The following RIC8B variants were observed in gnomAD, a reference collection of about 807,000 sequenced individuals.
The protein encoded by RIC8B is chaperone Ric-8B.
Under a neutral mutation model 57.5 loss-of-function variants are expected in RIC8B, and 16 were observed. The ratio of observed to expected loss-of-function variants is 0.28; its 90% CI spans 0.19 to 0.42. The LOEUF is 0.42. Among genes scored for constraint, RIC8B ranks in the 10% least tolerant of loss-of-function variants. RIC8B has a pLI of 1.00. For synonymous variants in RIC8B, 216 were observed against 250.8 expected (o/e 0.86, Z 1.31); for missense variants, 481 against 677.0 (o/e 0.71, Z 3.21).
intron 7 of RIC8B, among the ~76,000 whole-genome samples, chr12:106,858,468 A>G (rs1255968592): frequency 2.0e-5 from 3 of 152,258 alleles, no homozygotes; most frequent in South Asian, 2.1e-4. Context: ...CATGAATATT[A>G]AGAATACCTA....
chr12:106,832,320 C>T (rs2046385819), intron 4 of RIC8B, among the ~76,000 whole-genome samples: 1 of 152,160 alleles, frequency 6.6e-6, no homozygotes, highest in Non-Finnish European at 1.5e-5. Flanking sequence ...GTAATCCCAG[C>T]ATTTTGGGAG....
chr12:106,878,832 C>A lies in RIC8B; in HGVS notation c.1572-7072C>A, dbSNP rs189760249. ...GAAGCAATGCCTCATGTTCCCCCCC[C>A]CTTTTCTTCTTTTCTAATCATAGAA... is the stretch of plus-strand genomic sequence containing the variant. On this transcript the variant is annotated intron_variant, in intron 9 of 9. Coordinates refer to ENST00000392837, the MANE Select transcript of RIC8B (RefSeq NM_001330145.2). Among the ~76,000 whole-genome samples, 40 of 152,026 alleles carry A rather than the reference C, an allele frequency of 2.6e-4. No homozygotes were observed. The East Asian group carries it at 7.1e-3, about 27-fold the overall frequency.
At chr12:106,802,970 G>A (rs554896149) in intron 2 of RIC8B, among the ~76,000 whole-genome samples, 88 of 152,164 alleles carry the variant, frequency 5.8e-4, no homozygotes, top group Non-Finnish European at 5.9e-5. Flanking sequence ...AGCACTTTGG[G>A]AGGCAAAGGT....
chr12:106,873,102 C>T, intron 9 of RIC8B: 1 of 985,370 alleles, frequency 1.0e-6, no homozygotes, highest in Non-Finnish European at 1.2e-6. Flanking sequence ...ACCCCAGCTT[C>T]CACCTGATTT....
intron 2 of RIC8B, among the ~76,000 whole-genome samples, chr12:106,802,256 T>C (rs1335426070): frequency 6.6e-6 from 1 of 152,208 alleles, no homozygotes; most frequent in Non-Finnish European, 1.5e-5. Flanking sequence ...TTAAAGAATA[T>C]GTACCAAAAT....
At chr12:106,823,465 GGTT>G (rs1390488580) in intron 3 of RIC8B, 14 of 455,752 alleles carry the variant, frequency 3.1e-5, no homozygotes, top group Middle Eastern at 3.3e-4. Flanking sequence ...GTAGAATTTT[GGTT>G]TGCAGCTGCA....
chr12:106,832,501 A>G (rs2046396984), intron 4 of RIC8B, among the ~76,000 whole-genome samples: 2 of 151,430 alleles, frequency 1.3e-5, no homozygotes, highest in African/African-American at 2.4e-5. Flanking sequence ...TGGGGGGCTG[A>G]GATTGCAGTG....
intron 2 of RIC8B, among the ~76,000 whole-genome samples, chr12:106,787,947 G>A (rs775690601): frequency 4.6e-5 from 7 of 152,004 alleles, no homozygotes; most frequent in Non-Finnish European, 8.8e-5. Flanking sequence ...TCATTTCAGC[G>A]TTAACCCAAA....
intron 3 of RIC8B, among the ~76,000 whole-genome samples, chr12:106,820,253 A>C (rs2045778979): frequency 6.6e-6 from 1 of 152,238 alleles, no homozygotes; most frequent in Non-Finnish European, 1.5e-5. Context: ...TGTTCATTTT[A>C]GATTCATGCC....
At chr12:106,839,724 A>G (rs1306723292) in intron 4 of RIC8B, among the ~76,000 whole-genome samples, 2 of 152,198 alleles carry the variant, frequency 1.3e-5, no homozygotes, top group African/African-American at 4.8e-5. Context: ...CTTTTCAAAG[A>G]TTTTGAGGGG....
rs1212982845 is a variant in RIC8B, at chr12:106,879,134, G to A, written c.1572-6770G>A. 2.0e-6 allele frequency: 2 copies of A among 985,668 alleles called. No individual in the cohort carries two copies. Among genetic ancestry groups the A allele is most frequent in the African/African-American group, 3.5e-5 (2 of 57,210 alleles). 61.1% of individuals were successfully genotyped at this position (985,668 alleles called of 1,614,324 possible). ...AGCTGAAACTCGTATAGGTAAATTC[G>A]AAGGGACTCTTGGGAGATCTGCAAG... On this transcript the variant is annotated intron_variant, in intron 9 of 9. Transcript: ENST00000392837. This position sits in a 1 kb window ranked among gnomAD's most constrained non-coding sequence, Gnocchi z 4.9.
intron 7 of RIC8B, among the ~76,000 whole-genome samples, chr12:106,852,331 C>A (rs189775447): frequency 8.7e-4 from 133 of 152,214 alleles, no homozygotes; most frequent in South Asian, 2.3e-3. Context: ...GTATAAAATC[C>A]CATCTAAGCA....
chr12:106,853,666 A>G (rs1050206992), intron 7 of RIC8B, among the ~76,000 whole-genome samples: 1 of 151,068 alleles, frequency 6.6e-6, no homozygotes, highest in African/African-American at 2.4e-5. Flanking sequence ...ATGGGGTTTC[A>G]CCATATTGGC....
At chr12:106,852,844 T>C (rs556762127) in intron 7 of RIC8B, among the ~76,000 whole-genome samples, 2 of 152,376 alleles carry the variant, frequency 1.3e-5, no homozygotes, top group African/African-American at 4.8e-5. Flanking sequence ...ATTTAGCATC[T>C]TGGAATTAAG....
chr12:106,776,183 C>T (rs948714831), intron 1 of RIC8B, among the ~76,000 whole-genome samples: 5 of 152,138 alleles, frequency 3.3e-5, no homozygotes, highest in Non-Finnish European at 4.4e-5. Context: ...CTCTTTCTGC[C>T]GTACTGTGTT....
At chr12:106,845,118 A>C (rs1949127150) in intron 6 of RIC8B, among the ~76,000 whole-genome samples, 1 of 152,110 alleles carries the variant, frequency 6.6e-6, no homozygotes, top group East Asian at 1.9e-4. Flanking sequence ...ATACATCTCT[A>C]ACTAGCACCT....
intron 2 of RIC8B, among the ~76,000 whole-genome samples, chr12:106,806,704 C>T (rs114813421): frequency 8.5e-5 from 13 of 152,124 alleles, no homozygotes; most frequent in East Asian, 1.9e-4. Flanking sequence ...GTGGTGCGCG[C>T]GTGTAATCCC....
intron 2 of RIC8B, among the ~76,000 whole-genome samples, chr12:106,797,690 G>A (rs1012405412): frequency 5.9e-5 from 9 of 152,192 alleles, no homozygotes; most frequent in African/African-American, 2.2e-4. Flanking sequence ...AATACTAGTA[G>A]ATAATGTATC....
rs149921688 is a variant in RIC8B, at chr12:106,874,734, T to C, written c.1571+3792T>C. Among the ~76,000 whole-genome samples the C allele has an allele frequency of 1.5e-4, 23 of 152,340 alleles. 1 individual carries two copies. Among genetic ancestry groups the C allele is most frequent in the African/African-American group, 5.3e-4 (22 of 41,586 alleles). ...AGCTCATCACCTTAGCAGCTTTCTC[T>C]CAACTAGATTTCCAAAGATATTGGA... On this transcript the variant is annotated intron_variant, in intron 9 of 9. Coordinates refer to ENST00000392837, the MANE Select transcript of RIC8B (RefSeq NM_001330145.2).
Sources: allele counts gnomAD v4.1 joint callset (sites outside exome capture counted in the v4.1 genomes callset), GRCh38; gene constraint gnomAD v4.1.1; non-coding constraint Gnocchi (gnomAD v3.1); transcripts MANE v1.5; gene names NCBI Gene and HGNC (gene_info 2026-07-23, HGNC 2026-07-21).